The following PCDHA5 variants were observed in gnomAD, a reference collection of about 807,000 sequenced individuals.
PCDHA5 encodes protocadherin alpha-5.
A neutral mutation model predicts 61.6 loss-of-function variants in PCDHA5; 43 were observed. The ratio of observed to expected loss-of-function variants is 0.70; its 90% CI spans 0.55 to 0.90. PCDHA5 has a LOEUF of 0.90. Ranked by LOEUF, PCDHA5 falls within the 40% of genes least tolerant of loss-of-function variation. PCDHA5 has a pLI of 0.00. For missense variants in PCDHA5, 1,298 were observed against 1,222.7 expected (o/e 1.06, Z -0.92); for synonymous variants, 627 against 543.9 (o/e 1.15, Z -2.13).
intron 1 of PCDHA5, chr5:140,875,379 G>A: frequency 1.4e-6 from 2 of 1,459,474 alleles, no homozygotes; most frequent in Non-Finnish European, 1.8e-6. Flanking sequence ...TACTAAATAT[G>A]TACTTACAGA....
chr5:140,833,938 G>A, intron 1 of PCDHA5, among the ~76,000 whole-genome samples: 1 of 152,088 alleles, frequency 6.6e-6, no homozygotes, highest in East Asian at 1.9e-4. Flanking sequence ...TTGTCACTTA[G>A]GTTTCTATCT....
At chr5:140,869,204 C>T in intron 1 of PCDHA5, 1 of 1,613,960 alleles carries the variant, frequency 6.2e-7, no homozygotes, top group Non-Finnish European at 8.5e-7. Context: ...CTCCACTACT[C>T]CGTCTCGGAG....
chr5:140,975,840 A>G (rs1387222678), intron 1 of PCDHA5, among the ~76,000 whole-genome samples: 2 of 152,202 alleles, frequency 1.3e-5, no homozygotes, highest in African/African-American at 2.4e-5. Context: ...CTTATTCTTC[A>G]GTAATACTAC....
intron 1 of PCDHA5, among the ~76,000 whole-genome samples, chr5:140,896,222 A>G (rs1554186870): frequency 6.6e-6 from 1 of 152,222 alleles, no homozygotes; most frequent in Non-Finnish European, 1.5e-5. Context: ...ATGTGTCTTT[A>G]TAGTAGAATG....
chr5:140,928,149 T>G (rs782254175), intron 1 of PCDHA5: 3 of 1,614,194 alleles, frequency 1.9e-6, no homozygotes, highest in Non-Finnish European at 2.5e-6. Context: ...CGGCCTCAGA[T>G]AGTGGCTCAC....
At chr5:140,834,669 T>C in intron 1 of PCDHA5, 3 of 1,614,208 alleles carry the variant, frequency 1.9e-6, no homozygotes, top group South Asian at 1.1e-5. Context: ...CGAGGAGCTG[T>C]GCGGGCGGAG....
intron 1 of PCDHA5, among the ~76,000 whole-genome samples, chr5:140,936,658 G>A (rs1385566642): frequency 6.6e-6 from 1 of 152,174 alleles, no homozygotes; most frequent in Non-Finnish European, 1.5e-5. Context: ...TATATATTCT[G>A]TTTCTGGACT....
chr5:140,848,508 A>G, intron 1 of PCDHA5: 1 of 1,589,692 alleles, frequency 6.3e-7, no homozygotes, highest in Non-Finnish European at 8.6e-7. Flanking sequence ...GTTATACTCA[A>G]GTCGAGGAGA....
intron 1 of PCDHA5, among the ~76,000 whole-genome samples, chr5:140,955,954 T>C (rs782364189): frequency 2.0e-5 from 3 of 152,184 alleles, no homozygotes; most frequent in Non-Finnish European, 2.9e-5. Context: ...TACTTGCTTG[T>C]TGTTTGTGCA....
intron 1 of PCDHA5, among the ~76,000 whole-genome samples, chr5:140,961,780 C>T (rs1192795559): frequency 6.6e-6 from 1 of 152,052 alleles, no homozygotes; most frequent in African/African-American, 2.4e-5. Flanking sequence ...AGCTTAATGG[C>T]ACTTTTTAAA....
chr5:141,002,356 C>G (rs2098075572), intron 3 of PCDHA5, among the ~76,000 whole-genome samples: 1 of 152,272 alleles, frequency 6.6e-6, no homozygotes, highest in Non-Finnish European at 1.5e-5. Flanking sequence ...CACCTCCACT[C>G]CTTTCAACTC....
chr5:140,923,551 T>C (rs1398661049), intron 1 of PCDHA5, among the ~76,000 whole-genome samples: 1 of 152,146 alleles, frequency 6.6e-6, no homozygotes, highest in Non-Finnish European at 1.5e-5. Flanking sequence ...AAATGAAATA[T>C]CAGCAATGAA....
intron 1 of PCDHA5, chr5:140,836,302 C>G: frequency 1.9e-6 from 3 of 1,613,734 alleles, no homozygotes; most frequent in East Asian, 2.2e-5. Flanking sequence ...CTAGATGAGA[C>G]GGACGCACCG....
At chr5:140,969,317 G>C in intron 1 of PCDHA5, 1 of 1,614,156 alleles carries the variant, frequency 6.2e-7, no homozygotes, top group African/African-American at 1.3e-5. Context: ...AAATGAGGCT[G>C]TTTCTCAAAA....
chr5:140,868,102 T>C (rs2153230741), intron 1 of PCDHA5: 1 of 152,242 alleles, frequency 6.6e-6, no homozygotes, highest in Admixed American at 6.5e-5. Flanking sequence ...ATAATAAAAT[T>C]TATTTTATAG....
At position 140,842,875 on chromosome 5, in the gene PCDHA5, C is replaced by T. The variant is rs2150347019; in HGVS notation, c.2352+18748C>T. ...TGCACACGGAGAGCGGCAAGGTGTA[C>T]GCGCTGCAGCCGCTGGACCACGAGG... is the stretch of plus-strand genomic sequence containing the variant. On this transcript the variant is annotated intron_variant, in intron 1 of 3. Transcript: ENST00000529859. 2.5e-6 allele frequency: 4 copies of T among 1,593,864 alleles called. No homozygotes were observed. In the African/African-American group the frequency reaches 4.0e-5, roughly 16 times the overall value.
chr5:140,830,233 G>T (rs2150183193), intron 1 of PCDHA5: 2 of 1,613,906 alleles, frequency 1.2e-6, no homozygotes, highest in East Asian at 4.5e-5. Context: ...TGGTCCTCAC[G>T]CTACTGCTGT....
intron 1 of PCDHA5, chr5:140,866,572 GTGGT>G (rs1562601054): frequency 6.6e-6 from 1 of 152,168 alleles, no homozygotes; most frequent in African/African-American, 2.4e-5. Context: ...TGTTAATACA[GTGGT>G]TGGATAATGT....
Position 140,823,046 on chromosome 5 carries a change from T to C in PCDHA5, c.1271T>C (p.Val424Ala). Residue 424 changes from valine (V) to alanine (A), a missense_variant, in exon 1 of 4, where the codon GTG (valine) becomes GCG (alanine). Transcript: ENST00000529859. ...RESVSVYELVVTARDGGSPSL... is the reference protein window; with the variant it reads ...RESVSVYELVATARDGGSPSL... ...AGCGTGTCGGTCTATGAGCTGGTGG[T>C]GACCGCGCGGGACGGGGGCTCGCCT... 6.2e-7 allele frequency: 1 copy of C among 1,614,200 alleles called. No individual in the cohort carries two copies. The highest frequency in any genetic ancestry group is 1.1e-5 in the South Asian group (1 of 91,090).
Sources: gnomAD v4.1 joint callset for allele counts (sites outside exome capture counted in the v4.1 genomes callset) on GRCh38, gnomAD v4.1.1 for gene constraint, MANE v1.5 for transcripts, NCBI Gene and HGNC (gene_info 2026-07-23, HGNC 2026-07-21) for gene names.